Variants in SLC35F3 observed in about 807,000 individuals in gnomAD.
The protein encoded by SLC35F3 is solute carrier family 35 member F3, also known as putative thiamine transporter SLC35F3.
SLC35F3 carries 25 observed loss-of-function variants against 49.9 expected under a neutral mutation model. The ratio of observed to expected loss-of-function variants is 0.50; its 90% CI spans 0.37 to 0.70. The LOEUF is 0.70. Among genes scored for constraint, SLC35F3 ranks in the 30% least tolerant of loss-of-function variants. The pLI, the probability that SLC35F3 is intolerant of heterozygous loss-of-function variation, is 0.00. For missense variants in SLC35F3, 525 were observed against 639.8 expected (o/e 0.82, Z 1.94); for synonymous variants, 275 against 265.4 (o/e 1.04, Z -0.35).
intron 3 of SLC35F3, among the ~76,000 whole-genome samples, chr1:234,236,330 C>T (rs1485864674): frequency 6.6e-6 from 1 of 152,070 alleles, no homozygotes; most frequent in East Asian, 1.9e-4. Flanking sequence ...GTCCCAGCTA[C>T]TCAGGGGACT....
intron 2 of SLC35F3, among the ~76,000 whole-genome samples, chr1:234,188,539 G>A (rs1263076648): frequency 6.6e-6 from 1 of 152,068 alleles, no homozygotes; most frequent in Non-Finnish European, 1.5e-5. Context: ...AGCAGCCACA[G>A]CAAGCCCCTC....
intron 2 of SLC35F3, among the ~76,000 whole-genome samples, chr1:234,165,773 G>A (rs181749903): frequency 1.3e-3 from 192 of 152,216 alleles, no homozygotes; most frequent in African/African-American, 4.4e-3. Context: ...GAAATTTGTG[G>A]TGGTGAAGTC....
At chr1:233,930,470 T>C (rs1662224985) in intron 2 of SLC35F3, among the ~76,000 whole-genome samples, 1 of 152,218 alleles carries the variant, frequency 6.6e-6, no homozygotes, top group African/African-American at 2.4e-5. Context: ...AATTTATTCA[T>C]ACGACCCTTA....
At chr1:234,028,800 A>G (rs1296735772) in intron 2 of SLC35F3, among the ~76,000 whole-genome samples, 2 of 152,094 alleles carry the variant, frequency 1.3e-5, no homozygotes, top group Non-Finnish European at 2.9e-5. Context: ...GGTCACCTCA[A>G]TTTCCTCTGA....
intron 2 of SLC35F3, among the ~76,000 whole-genome samples, chr1:234,010,818 C>G (rs1663706580): frequency 6.6e-6 from 1 of 152,090 alleles, no homozygotes; most frequent in Non-Finnish European, 1.5e-5. Context: ...ATATTTATAT[C>G]AGTCAAAATA....
chr1:234,294,098 A>T (rs182332283), intron 3 of SLC35F3, among the ~76,000 whole-genome samples: 1 of 152,232 alleles, frequency 6.6e-6, no homozygotes, highest in Non-Finnish European at 1.5e-5. Context: ...ATCTATGCCC[A>T]TGTCTTTAAA....
At chr1:234,142,273 A>G (rs1438739990) in intron 2 of SLC35F3, among the ~76,000 whole-genome samples, 2 of 152,210 alleles carry the variant, frequency 1.3e-5, no homozygotes, top group East Asian at 3.9e-4. Flanking sequence ...AGCTTACGAA[A>G]AAAAAGATGT....
At chr1:233,938,746 A>T (rs1473751356) in intron 2 of SLC35F3, among the ~76,000 whole-genome samples, 2 of 151,990 alleles carry the variant, frequency 1.3e-5, no homozygotes, top group African/African-American at 2.4e-5. Flanking sequence ...AGGTGGATGG[A>T]TGGAAAGATG....
At chr1:234,153,106 T>A (rs1485374343) in intron 2 of SLC35F3, among the ~76,000 whole-genome samples, 1 of 152,200 alleles carries the variant, frequency 6.6e-6, no homozygotes, top group Middle Eastern at 3.2e-3. Context: ...TTATATCAAG[T>A]CTAAAGGACA....
In SLC35F3 at chr1:233,955,045, T is replaced by C. The variant is rs183677527; in HGVS notation, c.283+49287T>C. Among the ~76,000 whole-genome samples, 68 of 152,180 alleles carry C rather than the reference T, an allele frequency of 4.5e-4. 1 individual carries two copies. In the East Asian group the frequency reaches 0.013, roughly 29 times the overall value. On this transcript the variant is annotated intron_variant, in intron 2 of 7. Coordinates refer to ENST00000366618, the MANE Select transcript of SLC35F3 (RefSeq NM_173508.4). Reference sequence around the variant, plus strand: ...TTTTAGTGGAGATGGGGTTTCACCATGTTGCCCAGGCTACTCTTGAGCTCC... The same window carrying C: ...TTTTAGTGGAGATGGGGTTTCACCACGTTGCCCAGGCTACTCTTGAGCTCC...
At chr1:234,067,982 A>T (rs545768831) in intron 2 of SLC35F3, among the ~76,000 whole-genome samples, 4 of 152,254 alleles carry the variant, frequency 2.6e-5, no homozygotes, top group African/African-American at 9.6e-5. Context: ...GGTGGGCTTT[A>T]CTTATTCCAA....
chr1:234,302,464 G>T (rs115759772), intron 3 of SLC35F3, among the ~76,000 whole-genome samples: 2 of 152,198 alleles, frequency 1.3e-5, no homozygotes, highest in Non-Finnish European at 2.9e-5. Context: ...AGGAAGGCAA[G>T]GTCATGGAGA....
chr1:234,075,327 C>A (rs1410205422), intron 2 of SLC35F3, among the ~76,000 whole-genome samples: 1 of 152,186 alleles, frequency 6.6e-6, no homozygotes, highest in Non-Finnish European at 1.5e-5. Context: ...ATGCCAAGCC[C>A]TTCACCTCAT....
intron 2 of SLC35F3, among the ~76,000 whole-genome samples, chr1:234,056,145 A>G (rs1664454280): frequency 6.6e-6 from 1 of 152,004 alleles, no homozygotes; most frequent in African/African-American, 2.4e-5. Flanking sequence ...ATTTTGCTCA[A>G]GATTCTAGAA....
chr1:233,961,022 A>C (rs1662790689), intron 2 of SLC35F3, among the ~76,000 whole-genome samples: 1 of 152,078 alleles, frequency 6.6e-6, no homozygotes, highest in Admixed American at 6.5e-5. Flanking sequence ...ATGTCTTGCT[A>C]GTGGTGCAGT....
chr1:234,281,879 G>A (rs770301218), intron 3 of SLC35F3, among the ~76,000 whole-genome samples: 20 of 152,206 alleles, frequency 1.3e-4, no homozygotes, highest in South Asian at 6.2e-4. Flanking sequence ...CCAACCACGC[G>A]CTCATCTGTT....
intron 3 of SLC35F3, among the ~76,000 whole-genome samples, chr1:234,247,426 G>C (rs1227055812): frequency 1.3e-5 from 2 of 151,968 alleles, no homozygotes; most frequent in Non-Finnish European, 2.9e-5. Flanking sequence ...TTGGTGGGTT[G>C]GTTGGTTGGT....
chr1:234,069,066 A>G (rs1391175744), intron 2 of SLC35F3, among the ~76,000 whole-genome samples: 3 of 90,318 alleles, frequency 3.3e-5, no homozygotes, highest in African/African-American at 1.5e-4. Flanking sequence ...ATATTATAAT[A>G]TATATTATAT....
chr1:234,127,362 G>A (rs1293485695), intron 2 of SLC35F3, among the ~76,000 whole-genome samples: 4 of 152,092 alleles, frequency 2.6e-5, no homozygotes, highest in African/African-American at 9.7e-5. Context: ...TCTCTATCAT[G>A]TCATTGCACC....
Sources: gnomAD v4.1 joint callset for allele counts (sites outside exome capture counted in the v4.1 genomes callset) on GRCh38, gnomAD v4.1.1 for gene constraint, MANE v1.5 for transcripts, NCBI Gene and HGNC (gene_info 2026-07-23, HGNC 2026-07-21) for gene names.